CBX2: variants seen among roughly 807,000 people sequenced by gnomAD.
CBX2 encodes the protein chromobox 2.
A neutral mutation model predicts 21.0 loss-of-function variants in CBX2; 11 were observed. The observed-to-expected ratio is 0.52, with a 90% CI of 0.33 to 0.87. The LOEUF is 0.87. Ranked by LOEUF, CBX2 falls within the 40% of genes least tolerant of loss-of-function variation. The probability of loss-of-function intolerance (pLI) is 0.02; values close to 1 mark genes in which losing one functional copy is unlikely to be tolerated. For missense variants in CBX2, 746 were observed against 724.3 expected (o/e 1.03, Z -0.34); for synonymous variants, 364 against 304.6 (o/e 1.19, Z -2.03).
In CBX2 at chr17:79,784,570, C is replaced by T. The variant is rs782643901; in HGVS notation, c.1127C>T (p.Thr376Ile). The T allele has an allele frequency of 1.9e-6, 3 of 1,612,676 alleles. No homozygotes were observed. The highest frequency in any genetic ancestry group is 4.5e-5 in the East Asian group (2 of 44,866). The change falls in exon 5 of 5, where the codon ACC becomes ATC. Residue 376 changes from threonine to isoleucine, a missense_variant. Physicochemically the swap from Thr to Ile is moderately conservative, Grantham distance 89. Transcript: ENST00000310942. This position sits in a 1 kb window ranked among gnomAD's most constrained non-coding sequence, Gnocchi z 5.9. ...PGVGLLARHA[T>I]ATKGVPATNP... ...GTGGGTCTCCTTGCCCGCCACGCCA[C>T]CGCCACCAAGGGTGTCCCGGCCACC...
Position 79,784,862 on chromosome 17 carries a change from C to A in CBX2, c.1419C>A (p.Ser473=), listed in dbSNP as rs782445470. ...GCAGCTCGGACTCCGACCCCGACTC[C>A]GCCTCGCCGCCCAGCACTGGACAGA... ...ESSSSDSDPD[S]ASPPSTGQNP... is the part of the protein sequence containing the mutation. Residue 473 remains serine (S), a synonymous_variant, in exon 5 of 5, where the codon TCC becomes TCA. Transcript: ENST00000310942. This position sits in a 1 kb window ranked among gnomAD's most constrained non-coding sequence, Gnocchi z 5.9. 4 of 1,613,156 alleles carry A rather than the reference C, an allele frequency of 2.5e-6. No homozygotes were observed. Among genetic ancestry groups the A allele is most frequent in the East Asian group, 4.5e-5 (2 of 44,874 alleles).
rs1907439671 is a variant in CBX2 at position 79,784,089 on chromosome 17, G to C, written c.646G>C (p.Ala216Pro). The change falls in exon 5 of 5, where the codon GCC becomes CCC. Residue 216 changes from alanine (A) to proline (P), a missense_variant. By Grantham distance (27) the Ala-to-Pro change is conservative. Coordinates refer to ENST00000310942, the MANE Select transcript of CBX2 (RefSeq NM_005189.3). The surrounding 1 kb of genome is among the most constrained non-coding windows in gnomAD (Gnocchi z 5.9). ...APVAGLAALK[A>P]HAKEACGGPS... ...CGTTGCAGGCCTGGCAGCTCTGAAG[G>C]CCCACGCCAAGGAGGCCTGTGGCGG... is the stretch of plus-strand genomic sequence containing the variant. 1 of 1,612,154 alleles carries C rather than the reference G, an allele frequency of 6.2e-7. No individual in the cohort carries two copies. The highest frequency in any genetic ancestry group is 1.7e-5 in the Admixed American group (1 of 59,984).
Position 79,785,262 on chromosome 17 carries a change from G to T in CBX2, c.*220G>T, listed in dbSNP as rs782542279. ...TCACTGCCTTGTTGGTCTCCACCTT[G>T]TTCCTACCTCTGCAGGCCTCTTTGC... is the stretch of plus-strand genomic sequence containing the variant. On this transcript the variant is annotated 3_prime_UTR_variant, in exon 5 of 5. Coordinates refer to ENST00000310942, the MANE Select transcript of CBX2 (RefSeq NM_005189.3). 384 of 600,864 alleles carry T rather than the reference G, an allele frequency of 6.4e-4. No homozygotes were observed. The highest frequency in any genetic ancestry group is 1.0e-3 in the Non-Finnish European group (349 of 337,448). The allele number at this position is 600,864 out of a possible 1,614,324, so 37.2% of individuals were successfully genotyped here. A position where few individuals can be genotyped will look rare whatever the true frequency, so the allele number is the denominator to read the frequency against.
rs1555831299 is a variant in CBX2 at position 79,784,647 on chromosome 17, G to A, written c.1204G>A (p.Ala402Thr). The stretch of plus-strand genomic sequence containing the variant: ...GAGTGGCCTCATTGGGGCCAGCGGG[G>A]CCACCATGCCCACCGACACAAGCAA... Reference protein sequence around the residue: ...TGSGLIGASGATMPTDTSKSE... With the variant: ...TGSGLIGASGTTMPTDTSKSE... The change falls in exon 5 of 5, where the codon GCC becomes ACC. Residue 402 changes from alanine (A) to threonine (T), a missense_variant. Ala to Thr is a moderately conservative substitution (Grantham distance 58, BLOSUM62 0). Coordinates refer to ENST00000310942, the MANE Select transcript of CBX2 (RefSeq NM_005189.3). The surrounding 1 kb of genome is among the most constrained non-coding windows in gnomAD (Gnocchi z 5.9). The A allele has an allele frequency of 1.9e-6, 3 of 1,612,420 alleles. No individual in the cohort carries two copies. The highest frequency in any genetic ancestry group is 3.3e-5 in the Admixed American group (2 of 59,990).
At position 79,784,797 on chromosome 17, in the gene CBX2, G is replaced by A; in HGVS notation, c.1354G>A (p.Ala452Thr). The A allele has an allele frequency of 2.5e-6, 4 of 1,610,974 alleles. No homozygotes were observed. The highest frequency in any genetic ancestry group is 3.4e-6 in the Non-Finnish European group (4 of 1,178,938). Residue 452 changes from alanine to threonine, a missense_variant, in exon 5 of 5, where the codon GCG (alanine) becomes ACG (threonine). Ala to Thr is a moderately conservative substitution (Grantham distance 58). Around this residue, in one of 2 missense-constraint regions of CBX2, gnomAD observed 701 missense variants for 650.7 expected, o/e 1.08. Transcript: ENST00000310942. The surrounding 1 kb of genome is among the most constrained non-coding windows in gnomAD (Gnocchi z 5.9). ...SRTAPGEARK[A>T]ATLPEMSAGE... ...CACAGCCCCCGGAGAAGCCCGCAAGGCGGCCACACTGCCAGAGATGAGCGC... is the reference window on the plus strand; with the variant it reads ...CACAGCCCCCGGAGAAGCCCGCAAGACGGCCACACTGCCAGAGATGAGCGC...
Position 79,784,131 on chromosome 17 carries a change from A to G in CBX2, c.688A>G (p.Thr230Ala), listed in dbSNP as rs1907443272. The G allele has an allele frequency of 1.9e-6, 3 of 1,611,798 alleles. No homozygotes were observed. Among genetic ancestry groups the G allele is most frequent in the Admixed American group, 1.7e-5 (1 of 59,978 alleles). The change falls in exon 5 of 5, where the codon ACC (threonine) becomes GCC (alanine). Residue 230 changes from threonine to alanine, a missense_variant. Thr to Ala is a moderately conservative substitution (Grantham distance 58, BLOSUM62 0). Transcript: ENST00000310942. The surrounding 1 kb of genome is among the most constrained non-coding windows in gnomAD (Gnocchi z 5.9). ...CTGTGGCGGCCCCAGTGCCATGGCCACCCCAGAGAACCTGGCCAGCCTAAT... is the reference window on the plus strand; with the variant it reads ...CTGTGGCGGCCCCAGTGCCATGGCCGCCCCAGAGAACCTGGCCAGCCTAAT... ...EACGGPSAMA[T>A]PENLASLMKG... is the part of the protein sequence containing the mutation.
At chr17:79,780,361 G>A (rs1006916152) in intron 3 of CBX2, among the ~76,000 whole-genome samples, 1 of 152,254 alleles carries the variant, frequency 6.6e-6, no homozygotes, top group Non-Finnish European at 1.5e-5. Context: ...TCATGATAAT[G>A]GGGAAATAGA....
intron 2 of CBX2, among the ~76,000 whole-genome samples, 157 bp from the exon 3 acceptor site, chr17:79,779,205 A>C (rs1906973260): frequency 6.6e-6 from 1 of 152,182 alleles, no homozygotes. Flanking sequence ...GCCAGCCTCC[A>C]AAACCTGGGT....
chr17:79,780,163 G>A (rs906890544), intron 3 of CBX2, among the ~76,000 whole-genome samples: 1 of 152,346 alleles, frequency 6.6e-6, no homozygotes, highest in South Asian at 2.1e-4. Context: ...ATGGCAAGAT[G>A]GGGGGTGGTT....
chr17:79,779,042 G>A (rs1356248515), intron 2 of CBX2, among the ~76,000 whole-genome samples: 2 of 152,200 alleles, frequency 1.3e-5, no homozygotes, highest in Admixed American at 6.5e-5. Context: ...GGGTTTGGGG[G>A]AATCCCTCTC....
rs144185230 is a variant in CBX2, at chr17:79,784,022, G to A, written c.579G>A (p.Leu193=). ...AKVLKTARKD[L]GAPASKLPPP... Reference sequence around the variant, plus strand: ...TGCTGAAGACCGCCCGGAAGGATCTGGGGGCCCCGGCCAGCAAGCTGCCCC... The same window carrying A: ...TGCTGAAGACCGCCCGGAAGGATCTAGGGGCCCCGGCCAGCAAGCTGCCCC... Residue 193 remains leucine (L), a synonymous_variant, in exon 5 of 5, where the codon CTG becomes CTA. Coordinates refer to ENST00000310942, the MANE Select transcript of CBX2 (RefSeq NM_005189.3). The surrounding 1 kb of genome is among the most constrained non-coding windows in gnomAD (Gnocchi z 5.9). 6.2e-6 allele frequency: 10 copies of A among 1,612,948 alleles called. No individual in the cohort carries two copies. The African/African-American group carries it at 1.3e-4, about 22-fold the overall frequency.
chr17:79,782,019 G>A (rs1555830438), intron 4 of CBX2: 3 of 1,614,038 alleles, frequency 1.9e-6, no homozygotes, highest in Admixed American at 1.7e-5. Flanking sequence ...CCCCTCCCAG[G>A]GGCTTCCTGC....
Position 79,785,498 on chromosome 17 carries a change from G to T in CBX2, c.*456G>T, listed in dbSNP as rs782069443. ...CCACCTTGCCTTCAGCCCTGGAGTG[G>T]GCAGAGAGTATTGTGGGGAGGCATG... On this transcript the variant is annotated 3_prime_UTR_variant, in exon 5 of 5. Coordinates refer to ENST00000310942, the MANE Select transcript of CBX2 (RefSeq NM_005189.3). 38 of 223,364 alleles carry T rather than the reference G, an allele frequency of 1.7e-4. No individual in the cohort carries two copies. Among genetic ancestry groups the T allele is most frequent in the Non-Finnish European group, 2.9e-4 (32 of 109,026 alleles). 13.8% of individuals were successfully genotyped at this position (223,364 alleles called of 1,614,324 possible).
At position 79,784,606 on chromosome 17, in the gene CBX2, C is replaced by T. The variant is rs1465227011; in HGVS notation, c.1163C>T (p.Pro388Leu). The T allele has an allele frequency of 1.2e-6, 2 of 1,612,516 alleles. No individual in the cohort carries two copies. The highest frequency in any genetic ancestry group is 1.1e-5 in the South Asian group (1 of 91,076). The change falls in exon 5 of 5, where the codon CCT (proline) becomes CTT (leucine). Residue 388 changes from proline (P) to leucine (L), a missense_variant. Pro to Leu is a moderately conservative substitution (Grantham distance 98). Coordinates refer to ENST00000310942, the MANE Select transcript of CBX2 (RefSeq NM_005189.3). The surrounding 1 kb of genome is among the most constrained non-coding windows in gnomAD (Gnocchi z 5.9). ...GGTGTCCCGGCCACCAACCCAGCCC[C>T]TGGGAAGGGCACTGGGAGTGGCCTC... ...TKGVPATNPAPGKGTGSGLIG... is the reference protein window; with the variant it reads ...TKGVPATNPALGKGTGSGLIG...
At chr17:79,781,910 CA>C in intron 4 of CBX2, 109 bp downstream of exon 4, 1 of 1,614,166 alleles carries the variant, frequency 6.2e-7, no homozygotes, top group East Asian at 2.2e-5. Flanking sequence ...GCACTTCTGC[CA>C]ACAGTCTGTC....
At chr17:79,781,990 G>A (rs199765900) in intron 4 of CBX2, 189 bp downstream of exon 4, 27 of 1,614,002 alleles carry the variant, frequency 1.7e-5, no homozygotes, top group African/African-American at 2.7e-5. Flanking sequence ...GGCCCCAGCC[G>A]GCTGAGAGTT....
upstream of CBX2, among the ~76,000 whole-genome samples, chr17:79,777,521 T>C (rs372342604): frequency 6.6e-6 from 1 of 152,222 alleles, no homozygotes; most frequent in East Asian, 1.9e-4. Context: ...TTAAAGCATT[T>C]TCCTCTCTCG....
chr17:79,784,547 G>A lies in CBX2; in HGVS notation c.1104G>A (p.Val368=), dbSNP rs1196108631. Residue 368 remains valine, a synonymous_variant, in exon 5 of 5, where the codon GTG becomes GTA. Transcript: ENST00000310942. The surrounding 1 kb of genome is among the most constrained non-coding windows in gnomAD (Gnocchi z 5.9). ...GTGTCAAGAATGGCATGCCCGGGGTGGGTCTCCTTGCCCGCCACGCCACCG... is the reference window on the plus strand; with the variant it reads ...GTGTCAAGAATGGCATGCCCGGGGTAGGTCTCCTTGCCCGCCACGCCACCG... ...LQSVKNGMPG[V]GLLARHATAT... is the part of the protein sequence containing the mutation. 1 of 1,612,656 alleles carries A rather than the reference G, an allele frequency of 6.2e-7. No individual in the cohort carries two copies. Among genetic ancestry groups the A allele is most frequent in the Non-Finnish European group, 8.5e-7 (1 of 1,179,920 alleles).
rs541126737 is a variant in CBX2, at chr17:79,787,719, T to C, written c.*2677T>C. ...GGTGTGTTAACCGCGTTTTGTTTGC[T>C]CCTGTATTGAATAGGAAGCAGTGGC... On this transcript the variant is annotated 3_prime_UTR_variant, in exon 5 of 5. Coordinates refer to ENST00000310942, the MANE Select transcript of CBX2 (RefSeq NM_005189.3). The C allele has an allele frequency of 1.8e-4, 27 of 152,358 alleles. No individual in the cohort carries two copies. Among genetic ancestry groups the C allele is most frequent in the African/African-American group, 6.0e-4 (25 of 41,572 alleles). 9.4% of individuals were successfully genotyped at this position (152,358 alleles called of 1,614,324 possible). A position where few individuals can be genotyped will look rare whatever the true frequency, so the allele number is the denominator to read the frequency against.
Sources: gnomAD v4.1 joint callset for allele counts (sites outside exome capture counted in the v4.1 genomes callset) on GRCh38, gnomAD v4.1.1 for gene constraint, gnomAD v4.1.1 regional missense constraint, Gnocchi (gnomAD v3.1) non-coding constraint, MANE v1.5 for transcripts, NCBI Gene and HGNC (gene_info 2026-07-23, HGNC 2026-07-21) for gene names.